CUEDC1: variants seen among roughly 807,000 people sequenced by gnomAD.
CUEDC1 encodes CUE domain-containing protein 1.
CUEDC1 carries 30 observed loss-of-function variants against 43.7 expected under a neutral mutation model. The ratio of observed to expected loss-of-function variants is 0.69; its 90% CI spans 0.51 to 0.93. CUEDC1 has a LOEUF of 0.93. Among genes scored for constraint, CUEDC1 ranks in the 40% least tolerant of loss-of-function variants. CUEDC1 has a pLI of 0.00. For synonymous variants in CUEDC1, 223 were observed against 223.6 expected, an observed-to-expected ratio of 1.00 and a Z score of 0.02; for missense variants, 486 against 549.0, an observed-to-expected ratio of 0.89 and a Z score of 1.15.
intron 1 of CUEDC1, among the ~76,000 whole-genome samples, chr17:57,905,884 A>G (rs2074526057): frequency 6.6e-6 from 1 of 152,236 alleles, no homozygotes; most frequent in Non-Finnish European, 1.5e-5. Context: ...TCTTTGCTTC[A>G]TGTACCTCTG....
intron 1 of CUEDC1, among the ~76,000 whole-genome samples, chr17:57,946,115 C>A (rs766311982): frequency 6.6e-6 from 1 of 152,160 alleles, no homozygotes; most frequent in African/African-American, 2.4e-5. Context: ...ACAGCAGCAA[C>A]TAGCAGAGGC....
At chr17:57,886,818 T>C (rs888385914) in intron 1 of CUEDC1, among the ~76,000 whole-genome samples, 1 of 65,210 alleles carries the variant, frequency 1.5e-5, no homozygotes. Context: ...ATTCTGGTTG[T>C]TTTTTTTTTT....
At chr17:57,867,166 A>G (rs1219281073) in intron 9 of CUEDC1, 191 bp downstream of exon 9, 5 of 623,910 alleles carry the variant, frequency 8.0e-6, no homozygotes, top group Middle Eastern at 3.7e-4. Context: ...GCCCCTTTTC[A>G]GGGGTTGCAG....
At chr17:57,882,582 CA>C (rs2144957862) in intron 2 of CUEDC1, among the ~76,000 whole-genome samples, 1 of 152,192 alleles carries the variant, frequency 6.6e-6, no homozygotes, top group South Asian at 2.1e-4. Flanking sequence ...AGTTGACTCT[CA>C]AATAACAAGA....
intron 2 of CUEDC1, among the ~76,000 whole-genome samples, chr17:57,880,206 G>A (rs573109433): frequency 6.6e-6 from 1 of 152,306 alleles, no homozygotes; most frequent in African/African-American, 2.4e-5. Context: ...TGTGACTCAT[G>A]TGCTCCTGTA....
intron 2 of CUEDC1, among the ~76,000 whole-genome samples, chr17:57,884,575 T>C (rs111569833): frequency 4.6e-5 from 7 of 152,258 alleles, no homozygotes; most frequent in African/African-American, 1.7e-4. Context: ...TGACAGATGG[T>C]CCTGCTGCCA....
chr17:57,876,353 A>G (rs573811436), intron 3 of CUEDC1, among the ~76,000 whole-genome samples: 3 of 152,122 alleles, frequency 2.0e-5, no homozygotes, highest in East Asian at 3.9e-4. Flanking sequence ...CCTTTGCCTG[A>G]GCGCCTCCCT....
rs527334239 is a variant in CUEDC1 at position 57,869,178 on chromosome 17, T to C, written c.884A>G (p.Asn295Ser). 30 of 1,613,908 alleles carry C rather than the reference T, an allele frequency of 1.9e-5. No individual in the cohort carries two copies. The South Asian group carries it at 3.0e-4, about 16-fold the overall frequency. ...TAAGGCATCTTCAGACACAGCGGGG[T>C]TGGCGTCGCCAGTTCCTGGAAGGAG... ...SSPVPGTGDA[N>S]PAVSEDALFR... Residue 295 changes from asparagine to serine, a missense_variant, in exon 7 of 11, where the codon AAC (asparagine) becomes AGC (serine). Asn to Ser is a conservative substitution (Grantham distance 46). Coordinates refer to ENST00000577830, the MANE Select transcript of CUEDC1 (RefSeq NM_001271875.2).
chr17:57,946,129 G>GATGA (rs887164696), intron 1 of CUEDC1, among the ~76,000 whole-genome samples: 1 of 152,146 alleles, frequency 6.6e-6, no homozygotes, highest in African/African-American at 2.4e-5. Context: ...CAGAGGCTGG[G>GATGA]ATGAAGCACA....
Position 57,954,264 on chromosome 17 carries a change from T to C in CUEDC1, c.-316+961A>G, listed in dbSNP as rs1430100685. 6.6e-6 allele frequency among the ~76,000 whole-genome samples: 1 copy of C among 152,114 alleles called. No homozygotes were observed. The highest frequency in any genetic ancestry group is 2.4e-5 in the African/African-American group (1 of 41,394). Reference sequence around the variant, plus strand: ...CAGGTGGGGAGCACGGTGGATGGTCTTCTTGTATCCTCTATCGCCTCCAGG... The same window carrying C: ...CAGGTGGGGAGCACGGTGGATGGTCCTCTTGTATCCTCTATCGCCTCCAGG... On this transcript the variant is annotated intron_variant, in intron 1 of 10. Transcript: ENST00000577830. The surrounding 1 kb of genome is among the most constrained non-coding windows in gnomAD (Gnocchi z 4.3).
At chr17:57,910,368 AAGAATACAAGATGCAAATGAGCAC>A (rs1435439630) in intron 1 of CUEDC1, among the ~76,000 whole-genome samples, 1 of 152,228 alleles carries the variant, frequency 6.6e-6, no homozygotes, top group African/African-American at 2.4e-5. Flanking sequence ...AGTTTAAGCA[AAGAATACAAGATGCAAATGAGCAC>A]AGAATACAAA....
intron 3 of CUEDC1, among the ~76,000 whole-genome samples, 174 bp from the exon 4 acceptor site, chr17:57,873,891 C>G (rs2074072896): frequency 6.6e-6 from 1 of 152,222 alleles, no homozygotes; most frequent in Admixed American, 6.5e-5. Flanking sequence ...GATGTCTCCA[C>G]CAGCCTCAGC....
chr17:57,914,771 A>G (rs1290885901), intron 1 of CUEDC1, among the ~76,000 whole-genome samples: 3 of 152,196 alleles, frequency 2.0e-5, no homozygotes, highest in African/African-American at 7.2e-5. Flanking sequence ...CTCTGGGTCC[A>G]GGATCAGGCC....
At chr17:57,898,009 T>C (rs1295581893) in intron 1 of CUEDC1, among the ~76,000 whole-genome samples, 2 of 152,180 alleles carry the variant, frequency 1.3e-5, no homozygotes, top group East Asian at 3.9e-4. Context: ...CGAGACTAGG[T>C]CTAAAAAAAT....
chr17:57,911,326 T>C (rs1336061671), intron 1 of CUEDC1, among the ~76,000 whole-genome samples: 1 of 152,198 alleles, frequency 6.6e-6, no homozygotes, highest in Non-Finnish European at 1.5e-5. Flanking sequence ...AGGCAATCTC[T>C]GAGAACTTCA....
At chr17:57,953,294 C>A (rs1471333846) in intron 1 of CUEDC1, among the ~76,000 whole-genome samples, 2 of 152,176 alleles carry the variant, frequency 1.3e-5, no homozygotes, top group Non-Finnish European at 2.9e-5. Flanking sequence ...AGGGCCTTCC[C>A]ACCACACAGA....
At chr17:57,867,597 G>C in intron 8 of CUEDC1, 182 bp from the exon 9 acceptor site, 2 of 618,396 alleles carry the variant, frequency 3.2e-6, no homozygotes, top group South Asian at 3.7e-5. Context: ...GGTATGGCCA[G>C]GCCCTGACAC....
intron 1 of CUEDC1, among the ~76,000 whole-genome samples, chr17:57,935,402 C>A (rs112563166): frequency 4.7e-4 from 70 of 147,850 alleles, no homozygotes; most frequent in African/African-American, 1.1e-3. Context: ...CACACACACA[C>A]ACAAACACAC....
At position 57,921,053 on chromosome 17, in the gene CUEDC1, T is replaced by A. The variant is rs150987687; in HGVS notation, c.-316+34172A>T. Among the ~76,000 whole-genome samples the A allele has an allele frequency of 5.7e-3, 869 of 152,384 alleles. 9 individuals carry two copies. Among genetic ancestry groups the A allele is most frequent in the Non-Finnish European group, 8.0e-3 (545 of 68,040 alleles). ...TTAGTTGTACTTTATGAGCTCCGTC[T>A]ATCCAAGGTTATTGTCAGCTATCCA... On this transcript the variant is annotated intron_variant, in intron 1 of 10. Transcript: ENST00000577830.
Sources: gnomAD v4.1 joint callset for allele counts (sites outside exome capture counted in the v4.1 genomes callset) on GRCh38, gnomAD v4.1.1 for gene constraint, Gnocchi (gnomAD v3.1) non-coding constraint, MANE v1.5 for transcripts, NCBI Gene and HGNC (gene_info 2026-07-23, HGNC 2026-07-21) for gene names.